CELF2: variants seen among roughly 807,000 people sequenced by gnomAD.
CELF2 encodes CUG triplet repeat RNA-binding protein 2.
Under a neutral mutation model 62.6 loss-of-function variants are expected in CELF2, and 8 were observed. That is an observed-to-expected ratio of 0.13 (90% confidence interval 0.07 to 0.23). The LOEUF is 0.23. CELF2 is among the 10% of genes least tolerant of loss of function. The probability of loss-of-function intolerance (pLI) is 1.00; values close to 1 mark genes in which losing one functional copy is unlikely to be tolerated. For missense variants in CELF2, 333 were observed against 671.0 expected (o/e 0.50, Z 5.56); for synonymous variants, 258 against 250.0 (o/e 1.03, Z -0.30).
chr10:10,798,942 C>T, intron 1 of CELF2: 1 of 396,788 alleles, frequency 2.5e-6, no homozygotes, highest in Non-Finnish European at 4.4e-6. Flanking sequence ...TTCAGGGATG[C>T]GCAGATCTGC....
chr10:10,669,375 T>G, the CELF2 span, among the ~76,000 whole-genome samples: 1 of 152,214 alleles, frequency 6.6e-6, no homozygotes, highest in Non-Finnish European at 1.5e-5. Context: ...GAAAGAATCC[T>G]AGAATTATAC....
the CELF2 span, among the ~76,000 whole-genome samples, chr10:10,508,674 G>A: frequency 4.5e-3 from 341 of 75,790 alleles, 1 homozygote; most frequent in East Asian, 0.071. Context: ...GTGTGTGTGT[G>A]TGTGTGTGTG....
chr10:11,097,914 T>A (rs937945641), intron 1 of CELF2, among the ~76,000 whole-genome samples: 1 of 152,172 alleles, frequency 6.6e-6, no homozygotes, highest in Non-Finnish European at 1.5e-5. Flanking sequence ...GTTTAACCCA[T>A]GCGGCCACTG....
chr10:11,144,588 T>TAA (rs570609919), intron 1 of CELF2, among the ~76,000 whole-genome samples: 13 of 141,222 alleles, frequency 9.2e-5, no homozygotes, highest in South Asian at 4.5e-4. Context: ...CTGTATTATT[T>TAA]AAAAAAAAAA....
the CELF2 span, among the ~76,000 whole-genome samples, chr10:10,772,721 T>C: frequency 6.6e-6 from 1 of 152,224 alleles, no homozygotes; most frequent in Non-Finnish European, 1.5e-5. Flanking sequence ...AGATTTCCCT[T>C]TAAATTGTCC....
rs1294278738 is a variant in CELF2 at position 11,046,954 on chromosome 10, A to C, written c.74+28791A>C. Among the ~76,000 whole-genome samples, 2 of 151,652 alleles carry C rather than the reference A, an allele frequency of 1.3e-5. No individual in the cohort carries two copies. Among genetic ancestry groups the C allele is most frequent in the East Asian group, 3.9e-4 (2 of 5,154 alleles). The stretch of plus-strand genomic sequence containing the variant: ...AGAGGAAGGATTGTTCGGAATTATT[A>C]TATTGTCAGACCCATTGTTTATTTC... On this transcript the variant is annotated intron_variant, in intron 1 of 12. Transcript: ENST00000633077. The surrounding 1 kb of genome is among the most constrained non-coding windows in gnomAD (Gnocchi z 4.6).
At chr10:11,139,378 A>T (rs1302055824) in intron 1 of CELF2, among the ~76,000 whole-genome samples, 1 of 152,226 alleles carries the variant, frequency 6.6e-6, no homozygotes. Flanking sequence ...TAAATAGTTG[A>T]AAAGAGTGAG....
rs567314515 is a variant in CELF2, at chr10:10,893,471, G to A, written c.54-26493G>A. Among the ~76,000 whole-genome samples the A allele has an allele frequency of 2.6e-5, 4 of 152,304 alleles. No individual in the cohort carries two copies. The South Asian group carries it at 8.3e-4, about 32-fold the overall frequency. On this transcript the variant is annotated intron_variant, in intron 1 of 13. Coordinates refer to the CELF2 transcript ENST00000636488. The stretch of plus-strand genomic sequence containing the variant: ...AGTCACCACTGTGGACTTGTGTGGG[G>A]CTGCAGGACCTAAAACTATGGCTTC...
intron 1 of CELF2, among the ~76,000 whole-genome samples, chr10:11,070,585 C>T (rs2069604648): frequency 6.6e-6 from 1 of 152,068 alleles, no homozygotes. Context: ...TTCAGGTGAA[C>T]ATCTTGAGTC....
intron 1 of CELF2, among the ~76,000 whole-genome samples, chr10:10,914,316 T>A (rs540919079): frequency 1.3e-5 from 2 of 152,266 alleles, no homozygotes; most frequent in South Asian, 4.1e-4. Context: ...ATAGATGGTG[T>A]GCTCTTGCTT....
chr10:10,859,786 A>G (rs993648249), intron 1 of CELF2, among the ~76,000 whole-genome samples: 7 of 152,188 alleles, frequency 4.6e-5, no homozygotes, highest in African/African-American at 1.7e-4. Flanking sequence ...TTAAGTTTTC[A>G]GTGTACCTAG....
intron 1 of CELF2, among the ~76,000 whole-genome samples, chr10:10,820,313 A>G (rs1489404199): frequency 1.3e-5 from 2 of 152,172 alleles, no homozygotes; most frequent in African/African-American, 4.8e-5. Flanking sequence ...TTAAAAAGGG[A>G]AAAATCTGTA....
the CELF2 span, among the ~76,000 whole-genome samples, chr10:10,716,866 C>G: frequency 6.6e-6 from 1 of 152,230 alleles, no homozygotes; most frequent in East Asian, 1.9e-4. Flanking sequence ...AAAGTTTGTG[C>G]CTAAATTTCA....
chr10:10,761,163 G>T, the CELF2 span, among the ~76,000 whole-genome samples: 1 of 152,304 alleles, frequency 6.6e-6, no homozygotes, highest in African/African-American at 2.4e-5. Flanking sequence ...GAGAGCTTCA[G>T]CAAATACCTC....
intron 4 of CELF2, among the ~76,000 whole-genome samples, chr10:11,254,127 A>G (rs2077980554): frequency 6.6e-6 from 1 of 152,264 alleles, no homozygotes; most frequent in African/African-American, 2.4e-5. Context: ...GTGTTCTTGT[A>G]GAATGTTTAC....
At chr10:10,470,634 T>C in the CELF2 span, among the ~76,000 whole-genome samples, 1 of 151,680 alleles carries the variant, frequency 6.6e-6, no homozygotes, top group Non-Finnish European at 1.5e-5. Context: ...CAAAGTTCCC[T>C]TCTTCATTCT....
chr10:10,756,968 C>T, the CELF2 span, among the ~76,000 whole-genome samples: 1 of 151,614 alleles, frequency 6.6e-6, no homozygotes, highest in Non-Finnish European at 1.5e-5. Context: ...ATGGTGAAAC[C>T]CTGTCTCTAC....
intron 1 of CELF2, among the ~76,000 whole-genome samples, chr10:10,802,182 A>G (rs1366136693): frequency 6.6e-6 from 1 of 152,210 alleles, no homozygotes; most frequent in Non-Finnish European, 1.5e-5. Flanking sequence ...TGATTAAAAG[A>G]ATAAAATAGG....
intron 1 of CELF2, among the ~76,000 whole-genome samples, chr10:11,091,829 A>G (rs1415145163): frequency 6.6e-6 from 1 of 152,232 alleles, no homozygotes; most frequent in Non-Finnish European, 1.5e-5. Context: ...ATGACTCTCA[A>G]TCAAATACAG....
Sources: gnomAD v4.1 joint callset for allele counts (sites outside exome capture counted in the v4.1 genomes callset) on GRCh38, gnomAD v4.1.1 for gene constraint, Gnocchi (gnomAD v3.1) non-coding constraint, MANE v1.5 for transcripts, NCBI Gene and HGNC (gene_info 2026-07-23, HGNC 2026-07-21) for gene names.